The following AIFM2 variants were observed in gnomAD, a reference collection of about 807,000 sequenced individuals.
AIFM2 encodes the protein AIF family member 2, ferroptosis suppressor.
In AIFM2, 38 loss-of-function variants were observed where a neutral mutation model predicts 35.7. The observed-to-expected ratio is 1.06, with a 90% CI of 0.82 to 1.39. The LOEUF is 1.39. AIFM2 is among the 40% of genes most tolerant of loss of function. The pLI is 0.00. For missense variants in AIFM2, 476 were observed against 491.2 expected (o/e 0.97, Z 0.29); for synonymous variants, 185 against 203.5 (o/e 0.91, Z 0.77).
intron 6 of AIFM2, among the ~76,000 whole-genome samples, 194 bp from the exon 7 acceptor site, chr10:70,116,968 C>A (rs1316966491): frequency 1.3e-5 from 2 of 152,188 alleles, no homozygotes; most frequent in African/African-American, 2.4e-5. Flanking sequence ...ACATCTGGCC[C>A]CGAGGGGTCC....
intron 2 of AIFM2, 82 bp from the exon 3 acceptor site, chr10:70,123,602 G>A (rs1281663272): frequency 7.5e-5 from 96 of 1,280,464 alleles, no homozygotes; most frequent in Non-Finnish European, 1.0e-4. Flanking sequence ...CCTTTCACGA[G>A]CTGCAAACCA....
In AIFM2 at chr10:70,114,321, T is replaced by G; in HGVS notation, c.979A>C (p.Thr327Pro). ...TTTCTCCCCATGGACAGGAGGAACGTCAGTGCACCTGCAAGCAGAGACACA... is the reference window on the plus strand; with the variant it reads ...TTTCTCCCCATGGACAGGAGGAACGGCAGTGCACCTGCAAGCAGAGACACA... ...PLQAYKPGAL[T>P]FLLSMGRNDG... is the part of the protein sequence containing the mutation. The change falls in exon 9 of 9, where the codon ACG becomes CCG. Residue 327 changes from threonine to proline, a missense_variant. Physicochemically the swap from Thr to Pro is conservative, Grantham distance 38 (BLOSUM62 -1). Coordinates refer to ENST00000307864, the MANE Select transcript of AIFM2 (RefSeq NM_032797.6). 3.1e-6 allele frequency: 5 copies of G among 1,613,856 alleles called. No homozygotes were observed. The highest frequency in any genetic ancestry group is 4.2e-6 in the Non-Finnish European group (5 of 1,179,996).
intron 1 of AIFM2, among the ~76,000 whole-genome samples, chr10:70,132,507 G>A (rs2072637154): frequency 6.6e-6 from 1 of 152,178 alleles, no homozygotes; most frequent in Admixed American, 6.5e-5. Context: ...AGTTTTCTTT[G>A]CCCTCGGCCA....
intron 1 of AIFM2, among the ~76,000 whole-genome samples, chr10:70,126,003 C>T (rs2072561799): frequency 6.6e-6 from 1 of 152,270 alleles, no homozygotes; most frequent in Non-Finnish European, 1.5e-5. Context: ...CCTGTGCATC[C>T]CAGAGTCTGC....
chr10:70,132,273 G>C (rs1198991888), intron 1 of AIFM2, among the ~76,000 whole-genome samples: 1 of 152,192 alleles, frequency 6.6e-6, no homozygotes, highest in Non-Finnish European at 1.5e-5. Flanking sequence ...GCACTGGGTT[G>C]ACTCCAGTTT....
At chr10:70,114,737 G>T in intron 8 of AIFM2, 183 bp downstream of exon 8, 1 of 736,560 alleles carries the variant, frequency 1.4e-6, no homozygotes, top group Non-Finnish European at 2.2e-6. Context: ...GCCTCCCAAA[G>T]TGCTGGGGTT....
In AIFM2 at chr10:70,120,498, C is replaced by T. The variant is rs1424531718; in HGVS notation, c.507+9G>A. 6.2e-7 allele frequency: 1 copy of T among 1,614,100 alleles called. No homozygotes were observed. The highest frequency in any genetic ancestry group is 8.5e-7 in the Non-Finnish European group (1 of 1,180,038). On this transcript the variant is annotated intron_variant, in intron 5 of 8. Transcript: ENST00000307864. ...ACTTAGAGCTCCAAGGCAAGGCAGCCTGGCTCACCTCTTTCTCAGGATATT... is the reference window on the plus strand; with the variant it reads ...ACTTAGAGCTCCAAGGCAAGGCAGCTTGGCTCACCTCTTTCTCAGGATATT...
Position 70,120,551 on chromosome 10 carries a change from C to T in AIFM2, c.463G>A (p.Val155Met). The T allele has an allele frequency of 4.3e-6, 7 of 1,614,160 alleles. No homozygotes were observed. Among genetic ancestry groups the T allele is most frequent in the South Asian group, 1.1e-5 (1 of 91,088 alleles). ...IVVVGGGSAG[V>M]EMAAEIKTEY... ...GTTTTAATCTCTGCTGCCATCTCCA[C>T]TCCAGCCGAGCCTCCTCCCACCACC... The change falls in exon 5 of 9, where the codon GTG (valine) becomes ATG (methionine). Residue 155 changes from valine (V) to methionine (M), a missense_variant. Val to Met is a conservative substitution (Grantham distance 21, BLOSUM62 1). Coordinates refer to ENST00000307864, the MANE Select transcript of AIFM2 (RefSeq NM_032797.6).
At chr10:70,116,024 G>T (rs1193967147) in intron 7 of AIFM2, among the ~76,000 whole-genome samples, 3 of 152,120 alleles carry the variant, frequency 2.0e-5, no homozygotes, top group African/African-American at 7.2e-5. Flanking sequence ...CTCCTTGTCA[G>T]GGAAGGGCAT....
At chr10:70,126,798 A>G (rs144228173) in intron 1 of AIFM2, among the ~76,000 whole-genome samples, 68 of 152,274 alleles carry the variant, frequency 4.5e-4, no homozygotes, top group African/African-American at 1.5e-3. Context: ...CACTGACACA[A>G]TGGATTGGAG....
chr10:70,124,460 T>C (rs1564554026), intron 1 of AIFM2, among the ~76,000 whole-genome samples: 1 of 152,328 alleles, frequency 6.6e-6, no homozygotes, highest in Middle Eastern at 3.4e-3. Context: ...TCAAAGACTT[T>C]TGGGAGAGAT....
intron 1 of AIFM2, among the ~76,000 whole-genome samples, chr10:70,128,307 C>G (rs2136667640): frequency 6.6e-6 from 1 of 152,354 alleles, no homozygotes; most frequent in East Asian, 1.9e-4. Flanking sequence ...ATATTATAAA[C>G]CCATACAATG....
At chr10:70,122,464 G>A (rs578090876) in intron 3 of AIFM2, among the ~76,000 whole-genome samples, 11 of 152,324 alleles carry the variant, frequency 7.2e-5, no homozygotes, top group South Asian at 2.1e-4. Flanking sequence ...ACCAAATGGG[G>A]CTGGGCTGGA....
At chr10:70,122,848 G>A (rs569262017) in intron 3 of AIFM2, among the ~76,000 whole-genome samples, 15 of 152,110 alleles carry the variant, frequency 9.9e-5, no homozygotes, top group Non-Finnish European at 1.6e-4. Context: ...ATAGAGGCAC[G>A]GTAAACATTC....
At chr10:70,129,587 TCAA>T (rs565720593) in intron 1 of AIFM2, among the ~76,000 whole-genome samples, 153 of 152,188 alleles carry the variant, frequency 1.0e-3, no homozygotes, top group Non-Finnish European at 1.7e-3. Flanking sequence ...GGAAAAAAGT[TCAA>T]CAACTTGCCC....
intron 3 of AIFM2, among the ~76,000 whole-genome samples, chr10:70,121,424 A>G (rs2072504920): frequency 6.6e-6 from 1 of 152,072 alleles, no homozygotes; most frequent in Admixed American, 6.5e-5. Context: ...AACCTGGGGA[A>G]AGACCTAAGG....
intron 5 of AIFM2, among the ~76,000 whole-genome samples, chr10:70,118,860 T>C (rs188341285): frequency 1.3e-5 from 2 of 152,272 alleles, no homozygotes; most frequent in African/African-American, 4.8e-5. Flanking sequence ...TCCTAACTCC[T>C]TGGATGTTCC....
intron 7 of AIFM2, 71 bp downstream of exon 7, chr10:70,116,551 C>A (rs2072437893): frequency 6.3e-7 from 1 of 1,583,822 alleles, no homozygotes; most frequent in East Asian, 2.2e-5. Flanking sequence ...TGGGGGCAAG[C>A]ACTGCAGGGC....
intron 1 of AIFM2, among the ~76,000 whole-genome samples, chr10:70,129,226 G>A (rs1410125471): frequency 1.3e-5 from 2 of 150,400 alleles, no homozygotes; most frequent in Non-Finnish European, 3.0e-5. Context: ...TTAGCCTCCC[G>A]AAGCACTGGA....
Sources: allele counts gnomAD v4.1 joint callset (sites outside exome capture counted in the v4.1 genomes callset), GRCh38; gene constraint gnomAD v4.1.1; transcripts MANE v1.5; gene names NCBI Gene and HGNC (gene_info 2026-07-23, HGNC 2026-07-21).